Variants in CTNNAL1 observed in about 807,000 individuals in gnomAD.
The protein encoded by CTNNAL1 is alpha-catulin.
In CTNNAL1, 69 loss-of-function variants were observed where a neutral mutation model predicts 93.6. The observed-to-expected ratio is 0.74, with a 90% CI of 0.61 to 0.90. The LOEUF is 0.90. Ranked by LOEUF, CTNNAL1 falls within the 40% of genes least tolerant of loss-of-function variation. CTNNAL1 has a pLI of 0.00. For synonymous variants in CTNNAL1, 286 were observed against 305.4 expected (o/e 0.94, Z 0.66); for missense variants, 836 against 862.0 (o/e 0.97, Z 0.38).
chr9:108,950,575 G>T, intron 14 of CTNNAL1: 2 of 1,550,234 alleles, frequency 1.3e-6, no homozygotes, highest in East Asian at 2.4e-5. Flanking sequence ...GCTTGGGACT[G>T]CATCTTCCCC....
chr9:108,998,541 G>A (rs1427251053), intron 2 of CTNNAL1, among the ~76,000 whole-genome samples: 1 of 151,804 alleles, frequency 6.6e-6, no homozygotes, highest in African/African-American at 2.4e-5. Flanking sequence ...AAGAATGCCT[G>A]GTATATCACC....
At chr9:108,944,778 T>A (rs1255271080) in intron 15 of CTNNAL1, among the ~76,000 whole-genome samples, 4 of 152,116 alleles carry the variant, frequency 2.6e-5, no homozygotes, top group African/African-American at 7.2e-5. Context: ...AAATAATAGG[T>A]CTTCATAATA....
At chr9:108,944,060 A>G (rs1238980754) in intron 15 of CTNNAL1, 42 bp from the exon 16 acceptor site, 2 of 1,523,380 alleles carry the variant, frequency 1.3e-6, no homozygotes, top group African/African-American at 1.4e-5. Context: ...ACTGATGTCT[A>G]TGGATAGTTG....
chr9:108,983,455 C>T (rs1831500715), intron 5 of CTNNAL1, 140 bp from the exon 6 acceptor site: 5 of 973,212 alleles, frequency 5.1e-6, no homozygotes, highest in East Asian at 3.3e-5. Flanking sequence ...AGCTGCTTCT[C>T]CTCACTAAAG....
intron 11 of CTNNAL1, among the ~76,000 whole-genome samples, chr9:108,964,118 G>A (rs1300256972): frequency 6.6e-6 from 1 of 152,010 alleles, no homozygotes; most frequent in Non-Finnish European, 1.5e-5. Flanking sequence ...CCAAAATTTG[G>A]CTCATATGAA....
chr9:108,995,054 C>G (rs1401446549), intron 2 of CTNNAL1, among the ~76,000 whole-genome samples: 1 of 152,156 alleles, frequency 6.6e-6, no homozygotes, highest in African/African-American at 2.4e-5. Flanking sequence ...CCTGAGCCAC[C>G]CAGTGAAGCC....
At chr9:108,981,146 T>C (rs12342630) in intron 6 of CTNNAL1, among the ~76,000 whole-genome samples, 20,818 of 152,276 alleles carry the variant, frequency 0.14, 1,878 homozygotes, top group African/African-American at 0.25. Context: ...TCACCTGCAC[T>C]AGAAATGCAG....
chr9:108,970,579 T>A, intron 9 of CTNNAL1, 85 bp from the exon 10 acceptor site: 2 of 1,196,514 alleles, frequency 1.7e-6, no homozygotes, highest in Non-Finnish European at 2.2e-6. Context: ...AAAAGAAAAT[T>A]TTACAAATAA....
At chr9:108,965,316 A>C in intron 11 of CTNNAL1, 62 bp downstream of exon 11, 1 of 1,288,374 alleles carries the variant, frequency 7.8e-7, no homozygotes, top group Non-Finnish European at 1.0e-6. Flanking sequence ...GTTTGGCATT[A>C]AAAAACTAAC....
At chr9:108,961,790 A>G (rs994972604) in intron 11 of CTNNAL1, among the ~76,000 whole-genome samples, 2 of 152,204 alleles carry the variant, frequency 1.3e-5, no homozygotes, top group Admixed American at 1.3e-4. Flanking sequence ...CATTACTAAC[A>G]GATTGTTTTA....
intron 10 of CTNNAL1, among the ~76,000 whole-genome samples, chr9:108,967,870 A>G (rs1831004466): frequency 6.6e-6 from 1 of 152,242 alleles, no homozygotes. Context: ...GAACTTACAG[A>G]AGATTAATAT....
intron 14 of CTNNAL1, among the ~76,000 whole-genome samples, chr9:108,951,305 A>G (rs1163025989): frequency 2.0e-5 from 3 of 151,554 alleles, no homozygotes; most frequent in East Asian, 3.9e-4. Flanking sequence ...GTGAGCCACC[A>G]TGCCCGGCAG....
At chr9:108,943,138 T>C (rs145462300) in intron 17 of CTNNAL1, 94 bp from the exon 18 acceptor site, 2 of 1,135,586 alleles carry the variant, frequency 1.8e-6, no homozygotes, top group East Asian at 2.6e-5. Flanking sequence ...AATTTCTCCA[T>C]ATGGAAATCT....
chr9:108,952,047 T>C (rs1267148941), intron 14 of CTNNAL1, among the ~76,000 whole-genome samples, 162 bp downstream of exon 14: 4 of 152,252 alleles, frequency 2.6e-5, no homozygotes, highest in African/African-American at 9.6e-5. Flanking sequence ...ATGTGTCTTG[T>C]TGTTGCATTC....
intron 11 of CTNNAL1, among the ~76,000 whole-genome samples, chr9:108,964,590 A>G (rs1209029626): frequency 1.3e-5 from 2 of 152,168 alleles, no homozygotes; most frequent in Non-Finnish European, 2.9e-5. Flanking sequence ...CTTACCCACC[A>G]CAGGCAATAT....
At chr9:108,945,642 T>G (rs955945617) in intron 15 of CTNNAL1, among the ~76,000 whole-genome samples, 5,821 of 124,282 alleles carry the variant, frequency 0.047, 384 homozygotes, top group African/African-American at 0.17. Flanking sequence ...TTTTTTTTTT[T>G]GTTTTGTTTT....
intron 1 of CTNNAL1, among the ~76,000 whole-genome samples, chr9:109,012,601 G>A (rs961612885): frequency 2.0e-5 from 3 of 152,172 alleles, no homozygotes; most frequent in African/African-American, 7.2e-5. Flanking sequence ...ATACAGTAAC[G>A]CACACATCCC....
At chr9:108,970,531 C>A in intron 9 of CTNNAL1, 37 bp from the exon 10 acceptor site, 1 of 1,560,288 alleles carries the variant, frequency 6.4e-7, no homozygotes, top group Non-Finnish European at 8.7e-7. Flanking sequence ...ACTTTCACAT[C>A]CTCATCCTCC....
rs554363759 is a variant in CTNNAL1, at chr9:108,995,971, T to G, written c.331+3096A>C. Among the ~76,000 whole-genome samples the G allele has an allele frequency of 3.6e-4, 55 of 151,906 alleles. 1 individual carries two copies. In the South Asian group the frequency reaches 8.9e-3, roughly 25 times the overall value. On this transcript the variant is annotated intron_variant, in intron 2 of 18. Transcript: ENST00000325551. ...CTGACCCTAAGACTTTAGTGTTTTT[T>G]TTTTTGAGACAGGGTCTCTCTCTGT...
Sources: gnomAD v4.1 joint callset for allele counts (sites outside exome capture counted in the v4.1 genomes callset) on GRCh38, gnomAD v4.1.1 for gene constraint, MANE v1.5 for transcripts, NCBI Gene and HGNC (gene_info 2026-07-23, HGNC 2026-07-21) for gene names.